The following SEMA6D variants were observed in gnomAD, a reference collection of about 807,000 sequenced individuals.
SEMA6D encodes the protein semaphorin-6D.
SEMA6D carries 35 observed loss-of-function variants against 106.6 expected under a neutral mutation model. That is an observed-to-expected ratio of 0.33 (90% CI 0.25 to 0.44). SEMA6D has a LOEUF of 0.44. Ranked by LOEUF, SEMA6D falls within the 20% of genes least tolerant of loss-of-function variation. SEMA6D has a pLI of 1.00. For missense variants in SEMA6D, 1,185 were observed against 1,345.9 expected, an observed-to-expected ratio of 0.88 and a Z score of 1.87; for synonymous variants, 499 against 487.7, an observed-to-expected ratio of 1.02 and a Z score of -0.31.
intron 3 of SEMA6D, among the ~76,000 whole-genome samples, chr15:47,573,619 G>A (rs1048443680): frequency 1.3e-5 from 2 of 152,066 alleles, no homozygotes; most frequent in Non-Finnish European, 2.9e-5. Flanking sequence ...ATCATTGCTG[G>A]TCTTTCTTTC....
chr15:47,348,727 C>CACACAGAGAGAGAGAGAGAG (rs1450109233), intron 1 of SEMA6D, among the ~76,000 whole-genome samples: 3 of 57,054 alleles, frequency 5.3e-5, no homozygotes, highest in Non-Finnish European at 8.0e-5. Flanking sequence ...ACCACACACA[C>CACACAGAGAGAGAGAGAGAG]AGAGAGAGAG....
intron 2 of SEMA6D, among the ~76,000 whole-genome samples, chr15:47,433,023 C>G (rs906105792): frequency 6.6e-5 from 10 of 151,990 alleles, no homozygotes; most frequent in Non-Finnish European, 1.3e-4. Context: ...AAAATTTTGA[C>G]TAATTCCACA....
chr15:47,307,709 G>A (rs568361876), intron 1 of SEMA6D, among the ~76,000 whole-genome samples: 17 of 152,152 alleles, frequency 1.1e-4, no homozygotes, highest in African/African-American at 4.1e-4. Flanking sequence ...GATACAATGA[G>A]GAAAAGAGAG....
intron 1 of SEMA6D, among the ~76,000 whole-genome samples, chr15:47,304,425 C>A (rs1326597197): frequency 8.8e-6 from 1 of 113,162 alleles, no homozygotes; most frequent in Non-Finnish European, 1.6e-5. Context: ...CAGCCTGAGC[C>A]TTCTAACTAA....
chr15:47,549,280 A>G (rs1430564831), intron 3 of SEMA6D, among the ~76,000 whole-genome samples: 1 of 152,192 alleles, frequency 6.6e-6, no homozygotes, highest in African/African-American at 2.4e-5. Flanking sequence ...AGCTGGGTGC[A>G]TGAAGGGAAG....
Position 47,449,187 on chromosome 15 carries a change from C to T in SEMA6D, c.-158-21287C>T, listed in dbSNP as rs114338798. 1.4e-3 allele frequency among the ~76,000 whole-genome samples: 215 copies of T among 152,160 alleles called. 1 individual carries two copies. The highest frequency in any genetic ancestry group is 5.0e-3 in the African/African-American group (206 of 41,538). The stretch of plus-strand genomic sequence containing the variant: ...TGAGGCATAAAGGAAAATATTAGCA[C>T]ATATTCTCATGTTTTATTGAAATAT... On this transcript the variant is annotated intron_variant, in intron 2 of 19. Coordinates refer to the SEMA6D transcript ENST00000558014.
At chr15:47,507,686 G>T (rs1169481892) in intron 3 of SEMA6D, among the ~76,000 whole-genome samples, 1 of 152,170 alleles carries the variant, frequency 6.6e-6, no homozygotes, top group Non-Finnish European at 1.5e-5. Context: ...TGCACCATAT[G>T]TCATACTGTA....
chr15:47,676,014 G>C (rs1197283877), intron 4 of SEMA6D, among the ~76,000 whole-genome samples: 1 of 152,068 alleles, frequency 6.6e-6, no homozygotes, highest in African/African-American at 2.4e-5. Flanking sequence ...GTCTATTTGG[G>C]GCTCTGGCTC....
intron 1 of SEMA6D, among the ~76,000 whole-genome samples, chr15:47,299,863 A>G (rs1445399238): frequency 6.6e-6 from 1 of 152,236 alleles, no homozygotes; most frequent in East Asian, 1.9e-4. Flanking sequence ...TTGCAGGCAC[A>G]TATGTGTGAG....
chr15:47,648,479 AGAAT>A (rs112820950), intron 4 of SEMA6D, among the ~76,000 whole-genome samples: 242 of 151,060 alleles, frequency 1.6e-3, no homozygotes, highest in Non-Finnish European at 2.8e-3. Context: ...ACTGGGTTGG[AGAAT>A]GAATGAATGA....
At position 47,631,996 on chromosome 15, in the gene SEMA6D, GCTCT is replaced by G. The variant is rs753488309; in HGVS notation, c.-55+31103_-55+31106del. ...TATGTTGTATTTTCATTTTTATTGA[GCTCT>G]CTATTTTTTTTAAAATTTCCTTTGA... On this transcript the variant is annotated intron_variant, in intron 4 of 19. Coordinates refer to the SEMA6D transcript ENST00000558014. Among the ~76,000 whole-genome samples, 58 of 151,886 alleles carry G rather than the reference GCTCT, an allele frequency of 3.8e-4. No homozygotes were observed. In the South Asian group the frequency reaches 5.2e-3, roughly 14 times the overall value.
rs74822663 is a variant in SEMA6D at position 47,589,598 on chromosome 15, T to C, written c.-86-11267T>C. On this transcript the variant is annotated intron_variant, in intron 3 of 19. Coordinates refer to the SEMA6D transcript ENST00000558014. ...ACACTCCAAGTTTCTAGTCTGCTCA[T>C]GTCCACCTTCTTTGCTTTATAGGGA... Among the ~76,000 whole-genome samples the C allele has an allele frequency of 8.7e-3, 1,319 of 152,384 alleles. 22 individuals carry two copies. The highest frequency in any genetic ancestry group is 0.03 in the African/African-American group (1,249 of 41,594).
intron 3 of SEMA6D, among the ~76,000 whole-genome samples, chr15:47,571,952 T>C (rs2046396794): frequency 6.6e-6 from 1 of 152,230 alleles, no homozygotes; most frequent in African/African-American, 2.4e-5. Flanking sequence ...TATTATTTTC[T>C]GGTTGGAATT....
upstream of SEMA6D, among the ~76,000 whole-genome samples, chr15:47,716,018 G>A (rs1287055232): frequency 6.6e-6 from 1 of 152,122 alleles, no homozygotes; most frequent in Admixed American, 6.5e-5. Flanking sequence ...CTGGGGAAGG[G>A]CCCTGACTGC....
chr15:47,480,038 G>C (rs1175117330), intron 3 of SEMA6D, among the ~76,000 whole-genome samples: 1 of 133,854 alleles, frequency 7.5e-6, no homozygotes, highest in African/African-American at 3.6e-5. Flanking sequence ...TTTTTTTTTT[G>C]GTAGATATGG....
At chr15:47,540,082 C>G (rs962318873) in intron 3 of SEMA6D, among the ~76,000 whole-genome samples, 12 of 151,998 alleles carry the variant, frequency 7.9e-5, no homozygotes, top group Non-Finnish European at 1.6e-4. Flanking sequence ...GTTGCACTTA[C>G]ATTTGAATAT....
intron 1 of SEMA6D, among the ~76,000 whole-genome samples, chr15:47,248,803 C>T (rs960039010): frequency 6.6e-6 from 1 of 152,266 alleles, no homozygotes; most frequent in African/African-American, 2.4e-5. Context: ...TCTGGGCATC[C>T]TATCACTTCT....
At chr15:47,684,923 C>A (rs1419747601) in intron 4 of SEMA6D, among the ~76,000 whole-genome samples, 1 of 152,092 alleles carries the variant, frequency 6.6e-6, no homozygotes, top group African/African-American at 2.4e-5. Flanking sequence ...TACCAGAGAC[C>A]TGGGGAAACT....
intron 1 of SEMA6D, among the ~76,000 whole-genome samples, chr15:47,234,608 T>A (rs1012433486): frequency 6.6e-6 from 1 of 152,044 alleles, no homozygotes; most frequent in Non-Finnish European, 1.5e-5. Context: ...ATTTGATTGT[T>A]CATTCCTGAA....
Sources: gnomAD v4.1 joint callset for allele counts (sites outside exome capture counted in the v4.1 genomes callset) on GRCh38, gnomAD v4.1.1 for gene constraint, MANE v1.5 for transcripts, NCBI Gene and HGNC (gene_info 2026-07-23, HGNC 2026-07-21) for gene names.